LNPEP: variants seen among roughly 807,000 people sequenced by gnomAD.
The protein encoded by LNPEP is leucyl and cystinyl aminopeptidase.
In LNPEP, 64 loss-of-function variants were observed where a neutral mutation model predicts 120.6. That is an observed-to-expected ratio of 0.53 (90% confidence interval 0.43 to 0.65). LNPEP has a LOEUF of 0.65. Ranked by LOEUF, LNPEP falls within the 30% of genes least tolerant of loss-of-function variation. The pLI is 0.00. For missense variants in LNPEP, 1,057 were observed against 1,200.0 expected (o/e 0.88, Z 1.76); for synonymous variants, 435 against 425.4 (o/e 1.02, Z -0.28).
chr5:97,007,710 A>T (rs1275685615), intron 11 of LNPEP, among the ~76,000 whole-genome samples: 1 of 152,202 alleles, frequency 6.6e-6, no homozygotes, highest in Admixed American at 6.5e-5. Context: ...TTAACTTAAC[A>T]TATATAGTAA....
At chr5:97,025,683 C>T (rs1380486325) in intron 15 of LNPEP, among the ~76,000 whole-genome samples, 1 of 152,216 alleles carries the variant, frequency 6.6e-6, no homozygotes, top group Non-Finnish European at 1.5e-5. Flanking sequence ...TACATACACA[C>T]ATACCTACAT....
intron 11 of LNPEP, chr5:97,010,435 T>C (rs1207128337): frequency 1.0e-6 from 1 of 984,976 alleles, no homozygotes; most frequent in Non-Finnish European, 1.2e-6. Flanking sequence ...TGCCTTTTTT[T>C]CCCCTAATAA....
rs1791565369 is a variant in LNPEP at position 97,035,941 on chromosome 5, A to G, written c.*7408A>G. 1 of 152,194 alleles carries G rather than the reference A, an allele frequency of 6.6e-6. No homozygotes were observed. Among genetic ancestry groups the G allele is most frequent in the Non-Finnish European group, 1.5e-5 (1 of 68,022 alleles). The allele number at this position is 152,194 out of a possible 1,614,324, so 9.4% of individuals were successfully genotyped here. On this transcript the variant is annotated 3_prime_UTR_variant, in exon 18 of 18. Coordinates refer to ENST00000231368, the MANE Select transcript of LNPEP (RefSeq NM_005575.3). ...AGGGACCTGTGCTTTTGTAAATTCT[A>G]GAAAGGCAAGAGGACAATATTGAAT...
At chr5:96,965,181 A>G (rs1744771678) in intron 1 of LNPEP, among the ~76,000 whole-genome samples, 2 of 152,154 alleles carry the variant, frequency 1.3e-5, no homozygotes, top group South Asian at 4.1e-4. Flanking sequence ...ATTCGATAGT[A>G]CAGTAGTAGG....
intron 1 of LNPEP, among the ~76,000 whole-genome samples, chr5:96,954,054 A>G (rs1789384189): frequency 6.6e-6 from 1 of 152,230 alleles, no homozygotes; most frequent in Non-Finnish European, 1.5e-5. Context: ...CAGCATTGTC[A>G]GTGATCTCAA....
chr5:96,991,401 G>T (rs1288226818), intron 4 of LNPEP, among the ~76,000 whole-genome samples: 3 of 152,138 alleles, frequency 2.0e-5, no homozygotes, highest in Admixed American at 6.6e-5. Flanking sequence ...TATAGTGGTT[G>T]TACTAGTTTA....
chr5:96,976,695 A>T (rs1790004753), intron 1 of LNPEP, among the ~76,000 whole-genome samples: 1 of 152,118 alleles, frequency 6.6e-6, no homozygotes, highest in African/African-American at 2.4e-5. Flanking sequence ...TGAGAGCATA[A>T]TCTTCCCATG....
chr5:96,975,139 C>T (rs1303986196), intron 1 of LNPEP, among the ~76,000 whole-genome samples: 1 of 152,118 alleles, frequency 6.6e-6, no homozygotes. Context: ...AGAAAGGTAA[C>T]CTGTTTGAAG....
intron 9 of LNPEP, among the ~76,000 whole-genome samples, chr5:97,004,199 G>A (rs1037407840): frequency 2.0e-5 from 3 of 152,188 alleles, no homozygotes; most frequent in Admixed American, 6.5e-5. Context: ...GATTTAGATT[G>A]ATGGGTCATA....
At chr5:97,000,207 A>G (rs575648449) in intron 8 of LNPEP, among the ~76,000 whole-genome samples, 2 of 152,242 alleles carry the variant, frequency 1.3e-5, no homozygotes, top group Non-Finnish European at 2.9e-5. Context: ...AATGGTGTTT[A>G]TAATATAATG....
intron 1 of LNPEP, among the ~76,000 whole-genome samples, chr5:96,950,656 C>A (rs952861245): frequency 6.6e-6 from 1 of 152,116 alleles, no homozygotes; most frequent in Non-Finnish European, 1.5e-5. Flanking sequence ...GAATTTTAGA[C>A]CTGACACTAT....
rs1441987005 is a variant in LNPEP at position 97,030,335 on chromosome 5, A to G, written c.*1802A>G. 1 of 152,190 alleles carries G rather than the reference A, an allele frequency of 6.6e-6. No homozygotes were observed. Among genetic ancestry groups the G allele is most frequent in the Non-Finnish European group, 1.5e-5 (1 of 68,030 alleles). The allele number at this position is 152,190 out of a possible 1,614,324, so 9.4% of individuals were successfully genotyped here. A position where few individuals can be genotyped will look rare whatever the true frequency, so the allele number is the denominator to read the frequency against. On this transcript the variant is annotated 3_prime_UTR_variant, in exon 18 of 18. Transcript: ENST00000231368. ...TTTATTCTTGTGCTTTGGTTAAATG[A>G]ATGATAATTTAGTTGATAGTGAAAG...
chr5:97,011,173 G>T (rs971669176), intron 11 of LNPEP: 1 of 985,154 alleles, frequency 1.0e-6, no homozygotes. Context: ...CCTTTTATGG[G>T]CAAGGGAGAC....
intron 13 of LNPEP, among the ~76,000 whole-genome samples, chr5:97,021,350 T>G (rs1265341391): frequency 1.3e-5 from 2 of 152,186 alleles, no homozygotes; most frequent in Non-Finnish European, 2.9e-5. Context: ...CTATCTTTTT[T>G]TGTAGGTTTG....
At chr5:96,955,525 G>A (rs1258876605) in intron 1 of LNPEP, among the ~76,000 whole-genome samples, 1 of 152,182 alleles carries the variant, frequency 6.6e-6, no homozygotes, top group Non-Finnish European at 1.5e-5. Context: ...TGAGTCAGGA[G>A]AATCACTTGA....
rs1369026507 is a variant in LNPEP, at chr5:97,034,934, A to G, written c.*6401A>G. 2.6e-5 allele frequency: 4 copies of G among 152,116 alleles called. No homozygotes were observed. In the East Asian group the frequency reaches 7.7e-4, roughly 29 times the overall value. The allele number at this position is 152,116 out of a possible 1,614,324, so 9.4% of individuals were successfully genotyped here. On this transcript the variant is annotated 3_prime_UTR_variant, in exon 18 of 18. Transcript: ENST00000231368. ...GGTGTCTGAGTGTATATGTGTGTGT[A>G]TATACACACAAGAACACACATATTT...
intron 13 of LNPEP, among the ~76,000 whole-genome samples, chr5:97,019,124 C>T (rs1034258911): frequency 1.3e-5 from 2 of 152,154 alleles, no homozygotes; most frequent in Non-Finnish European, 2.9e-5. Flanking sequence ...GTGCTAGCAT[C>T]TTTCCCTGTT....
At chr5:96,942,761 T>C (rs1279527128) in intron 1 of LNPEP, 1 of 147,484 alleles carries the variant, frequency 6.8e-6, no homozygotes, top group East Asian at 2.1e-4. Context: ...CATTAGGAGA[T>C]ATACCTAGTG....
At chr5:97,021,556 T>G (rs27294) in intron 13 of LNPEP, among the ~76,000 whole-genome samples, 83,946 of 151,924 alleles carry the variant, frequency 0.55, 23,282 homozygotes, top group East Asian at 0.62. Context: ...TTTTCTTTCA[T>G]TGCTTTATAG....
Sources: gnomAD v4.1 joint callset for allele counts (sites outside exome capture counted in the v4.1 genomes callset) on GRCh38, gnomAD v4.1.1 for gene constraint, MANE v1.5 for transcripts, NCBI Gene and HGNC (gene_info 2026-07-23, HGNC 2026-07-21) for gene names.